The following MAP4K4 variants were observed in gnomAD, a reference collection of about 807,000 sequenced individuals.
MAP4K4 encodes the protein mitogen-activated protein kinase kinase kinase kinase 4.
In MAP4K4, 38 loss-of-function variants were observed where a neutral mutation model predicts 189.6. The observed-to-expected ratio is 0.20, with a 90% CI of 0.15 to 0.26. MAP4K4 has a LOEUF of 0.26. Ranked by LOEUF, MAP4K4 falls within the 10% of genes least tolerant of loss-of-function variation. MAP4K4 has a pLI of 1.00. For missense variants in MAP4K4, 1,054 were observed against 1,726.9 expected (o/e 0.61, Z 6.91); for synonymous variants, 610 against 624.3 (o/e 0.98, Z 0.34).
intron 10 of MAP4K4, among the ~76,000 whole-genome samples, chr2:101,841,592 T>C (rs566584865): frequency 6.6e-6 from 1 of 152,024 alleles, no homozygotes; most frequent in African/African-American, 2.4e-5. Flanking sequence ...CCTCAGCCTG[T>C]TGAGTAGCTG....
At position 101,806,546 on chromosome 2, in the gene MAP4K4, T is replaced by A. The variant is rs546754926; in HGVS notation, c.180+15770T>A. On this transcript the variant is annotated intron_variant, in intron 3 of 32. Coordinates refer to ENST00000324219, the Ensembl canonical transcript of MAP4K4. The stretch of plus-strand genomic sequence containing the variant: ...ACGTGCCACCGTGCCCGGCTTATTT[T>A]TATATATATTTTTAGTAGAGACAGG... Among the ~76,000 whole-genome samples the A allele has an allele frequency of 1.3e-4, 20 of 152,166 alleles. No homozygotes were observed. The South Asian group carries it at 1.7e-3, about 13-fold the overall frequency.
chr2:101,769,266 C>T (rs1575216627), intron 2 of MAP4K4, among the ~76,000 whole-genome samples: 1 of 152,062 alleles, frequency 6.6e-6, no homozygotes. Flanking sequence ...AGTTTCAGCT[C>T]GTTTTCATGA....
chr2:101,801,404 C>T (rs1428809326), intron 3 of MAP4K4, among the ~76,000 whole-genome samples: 2 of 152,176 alleles, frequency 1.3e-5, no homozygotes, highest in African/African-American at 4.8e-5. Flanking sequence ...AGTGCAGTCA[C>T]ATAGGCCCTG....
At chr2:101,706,776 A>C (rs1001815669) in intron 2 of MAP4K4, among the ~76,000 whole-genome samples, 3 of 152,180 alleles carry the variant, frequency 2.0e-5, no homozygotes, top group African/African-American at 7.2e-5. Context: ...TTGGTTTACT[A>C]TCTTACTTTC....
chr2:101,801,004 A>T (rs2094310956), intron 3 of MAP4K4, among the ~76,000 whole-genome samples: 3 of 146,184 alleles, frequency 2.1e-5, no homozygotes, highest in Admixed American at 1.4e-4. Context: ...AAATCGCCCA[A>T]CAAATTTTGT....
At chr2:101,863,734 C>A in intron 16 of MAP4K4, 87 bp from the exon 17 acceptor site, 1 of 837,884 alleles carries the variant, frequency 1.2e-6, no homozygotes, top group Non-Finnish European at 1.8e-6. Context: ...CCGCCTCTGC[C>A]AGTTCCTGCT....
chr2:101,873,456 G>A (rs902810884), intron 24 of MAP4K4, among the ~76,000 whole-genome samples, 191 bp from the exon 25 acceptor site: 1 of 152,178 alleles, frequency 6.6e-6, no homozygotes, highest in Non-Finnish European at 1.5e-5. Flanking sequence ...AGTGGTTCCA[G>A]GTAAAGCTGC....
chr2:101,875,267 A>T (rs1393084352), intron 26 of MAP4K4, among the ~76,000 whole-genome samples: 4 of 152,260 alleles, frequency 2.6e-5, no homozygotes, highest in Non-Finnish European at 5.9e-5. Flanking sequence ...TAGTCAGGGC[A>T]GAATGGCCAA....
intron 2 of MAP4K4, among the ~76,000 whole-genome samples, chr2:101,771,512 C>G (rs2081403601): frequency 6.6e-6 from 1 of 152,178 alleles, no homozygotes; most frequent in Non-Finnish European, 1.5e-5. Context: ...GTGTTTTCCT[C>G]TGAACCAGCT....
At chr2:101,818,562 T>A (rs1395022448) in intron 3 of MAP4K4, among the ~76,000 whole-genome samples, 2 of 152,104 alleles carry the variant, frequency 1.3e-5, no homozygotes. Context: ...GGGAAAAAAT[T>A]TAGGTAACAA....
intron 2 of MAP4K4, among the ~76,000 whole-genome samples, chr2:101,706,482 GT>G (rs1309934538): frequency 1.3e-5 from 2 of 152,120 alleles, no homozygotes; most frequent in Non-Finnish European, 2.9e-5. Flanking sequence ...ATCGCTTTTA[GT>G]TTTTCATTTG....
In MAP4K4 at chr2:101,699,564, A is replaced by T. The variant is rs7558237; in HGVS notation, c.123+1026A>T. ...GGGAAGCAGGGCTCTGTGGTTCACC[A>T]TGAAGAATTGTCATTGTCTCATTAA... On this transcript the variant is annotated intron_variant, in intron 2 of 32. Coordinates refer to ENST00000324219, the Ensembl canonical transcript of MAP4K4. Among the ~76,000 whole-genome samples, 7 of 152,330 alleles carry T rather than the reference A, an allele frequency of 4.6e-5. No homozygotes were observed. In the East Asian group the frequency reaches 1.3e-3, roughly 29 times the overall value.
intron 3 of MAP4K4, among the ~76,000 whole-genome samples, chr2:101,794,541 T>C (rs1385187578): frequency 6.6e-6 from 1 of 152,190 alleles, no homozygotes; most frequent in African/African-American, 2.4e-5. Context: ...ACATTTTGTT[T>C]GTGTGTGTGT....
chr2:101,797,278 A>G, intron 3 of MAP4K4: 1 of 1,290,806 alleles, frequency 7.7e-7, no homozygotes, highest in Non-Finnish European at 1.0e-6. Context: ...TACAGGCCTT[A>G]CAGCTTCGTA....
intron 3 of MAP4K4, among the ~76,000 whole-genome samples, chr2:101,794,166 G>C (rs917937310): frequency 1.8e-4 from 28 of 152,202 alleles, no homozygotes; most frequent in Admixed American, 1.8e-3. Flanking sequence ...TATTAGGATA[G>C]CAGATCTATA....
intron 3 of MAP4K4, among the ~76,000 whole-genome samples, chr2:101,807,725 C>A (rs895228770): frequency 6.6e-6 from 1 of 151,626 alleles, no homozygotes; most frequent in African/African-American, 2.4e-5. Context: ...GGGGAGCAAG[C>A]ATCTTACATG....
chr2:101,798,155 CT>C (rs755613057), intron 3 of MAP4K4, among the ~76,000 whole-genome samples: 11 of 151,622 alleles, frequency 7.3e-5, no homozygotes, highest in East Asian at 3.9e-4. Context: ...CCAAGCAATC[CT>C]CATGTCTCAG....
At chr2:101,722,974 T>C (rs985925383) in intron 2 of MAP4K4, among the ~76,000 whole-genome samples, 2 of 152,162 alleles carry the variant, frequency 1.3e-5, no homozygotes, top group African/African-American at 4.8e-5. Flanking sequence ...TGACTCACAG[T>C]TCCACATGGC....
intron 10 of MAP4K4, 135 bp downstream of exon 10, chr2:101,840,129 T>A: frequency 1.2e-6 from 1 of 826,918 alleles, no homozygotes; most frequent in Non-Finnish European, 1.8e-6. Flanking sequence ...TGCTTGCGGT[T>A]CAGTGCTTAG....
Sources: allele counts gnomAD v4.1 joint callset (sites outside exome capture counted in the v4.1 genomes callset), GRCh38; gene constraint gnomAD v4.1.1; transcripts MANE v1.5; gene names NCBI Gene and HGNC (gene_info 2026-07-23, HGNC 2026-07-21).